The following CSRP2 variants were observed in gnomAD, a reference collection of about 807,000 sequenced individuals.
CSRP2 encodes the protein cysteine and glycine rich protein 2.
Under a neutral mutation model 24.6 loss-of-function variants are expected in CSRP2, and 18 were observed. The observed-to-expected ratio is 0.73, with a 90% CI of 0.51 to 1.09. The LOEUF (loss-of-function observed/expected upper bound fraction) is 1.09. Among genes scored for constraint, CSRP2 ranks in the 50% least tolerant of loss-of-function variants. The pLI is 0.00. For missense variants in CSRP2, 215 were observed against 239.4 expected (o/e 0.90, Z 0.67); for synonymous variants, 87 against 84.3 (o/e 1.03, Z -0.18).
chr12:76,866,502 C>T (rs759818561), intron 1 of CSRP2, among the ~76,000 whole-genome samples: 25 of 151,806 alleles, frequency 1.6e-4, no homozygotes, highest in Non-Finnish European at 3.4e-4. Context: ...GACAAAGGAC[C>T]TGCATTCAGT....
intron 1 of CSRP2, among the ~76,000 whole-genome samples, chr12:76,871,775 AAAAAG>A (rs1953802969): frequency 1.3e-5 from 2 of 152,016 alleles, no homozygotes; most frequent in Non-Finnish European, 2.9e-5. Context: ...AAAAAAAAAA[AAAAAG>A]AAAAGAAACG....
chr12:76,861,993 G>T (rs1043695669), intron 3 of CSRP2: 1 of 152,200 alleles, frequency 6.6e-6, no homozygotes, highest in African/African-American at 2.4e-5. Flanking sequence ...GTGACTTTGG[G>T]CAAAGTTTTT....
At chr12:76,862,865 A>G (rs1953697192) in intron 3 of CSRP2, 1 of 1,529,902 alleles carries the variant, frequency 6.5e-7, no homozygotes. Context: ...CTACCATTTA[A>G]TTTCATGACA....
At chr12:76,874,294 T>C (rs1160404140) in intron 1 of CSRP2, among the ~76,000 whole-genome samples, 5 of 152,218 alleles carry the variant, frequency 3.3e-5, no homozygotes, top group African/African-American at 1.2e-4. Context: ...ACATGCCACC[T>C]TTTAGACATG....
intron 1 of CSRP2, among the ~76,000 whole-genome samples, chr12:76,871,745 A>G (rs1278291902): frequency 6.8e-6 from 1 of 147,788 alleles, no homozygotes; most frequent in Non-Finnish European, 1.5e-5. Flanking sequence ...GCCTGGGTGA[A>G]ACTGCAAGAC....
intron 1 of CSRP2, among the ~76,000 whole-genome samples, chr12:76,877,623 GC>G (rs1303261014): frequency 3.9e-5 from 6 of 152,176 alleles, no homozygotes; most frequent in Non-Finnish European, 8.8e-5. Context: ...AAACTACAAT[GC>G]AGAGGAGAAA....
At chr12:76,865,648 T>C (rs915858249) in intron 2 of CSRP2, 1 of 152,426 alleles carries the variant, frequency 6.6e-6, no homozygotes, top group African/African-American at 2.4e-5. Context: ...GACATAATCA[T>C]TCATTAAAGA....
At chr12:76,865,259 C>T (rs1953723718) in intron 2 of CSRP2, among the ~76,000 whole-genome samples, 1 of 152,164 alleles carries the variant, frequency 6.6e-6, no homozygotes, top group African/African-American at 2.4e-5. Flanking sequence ...TCCATACTTT[C>T]TTGGTTACAA....
chr12:76,876,741 G>T (rs1276760168), intron 1 of CSRP2, among the ~76,000 whole-genome samples: 1 of 152,222 alleles, frequency 6.6e-6, no homozygotes, highest in East Asian at 1.9e-4. Context: ...AAGAAAGCTG[G>T]CCTCCAGGCA....
intron 1 of CSRP2, among the ~76,000 whole-genome samples, chr12:76,877,292 T>C (rs1291338559): frequency 6.6e-6 from 1 of 152,250 alleles, no homozygotes; most frequent in Admixed American, 6.5e-5. Context: ...CAAATCCAAG[T>C]GATTTTGCAA....
chr12:76,871,497 G>A (rs1205444304), intron 1 of CSRP2, among the ~76,000 whole-genome samples: 4 of 152,368 alleles, frequency 2.6e-5, no homozygotes, highest in South Asian at 4.1e-4. Context: ...CAAGCCGGAT[G>A]CGGTGGCTCA....
chr12:76,858,869 A>G lies in CSRP2; in HGVS notation c.*83T>C. The G allele has an allele frequency of 7.9e-7, 1 of 1,262,440 alleles. No homozygotes were observed. The highest frequency in any genetic ancestry group is 2.3e-5 in the East Asian group (1 of 43,050). The allele number at this position is 1,262,440 out of a possible 1,614,324, so 78.2% of individuals were successfully genotyped here. On this transcript the variant is annotated 3_prime_UTR_variant, in exon 6 of 6. Coordinates refer to ENST00000311083, the MANE Select transcript of CSRP2 (RefSeq NM_001321.3). ...CAGTACTTAATGCTGGTAGAATTTC[A>G]CAGTAGTTTAGTGTTAAAGATTATC...
Position 76,860,329 on chromosome 12 carries a change from A to G in CSRP2, c.366T>C (p.Cys122=). 2 of 1,614,134 alleles carry G rather than the reference A, an allele frequency of 1.2e-6. No individual in the cohort carries two copies. The highest frequency in any genetic ancestry group is 1.7e-6 in the Non-Finnish European group (2 of 1,180,006). ...KYGGAEKCSR[C]GDSVYAAEKI... Reference sequence around the variant, plus strand: ...TCTCGGCAGCATATACAGAATCCCCACATCTGGAACACTTCTCAGCACCTC... The same window carrying G: ...TCTCGGCAGCATATACAGAATCCCCGCATCTGGAACACTTCTCAGCACCTC... The change falls in exon 4 of 6, where the codon TGT becomes TGC. Residue 122 remains cysteine, a synonymous_variant. Coordinates refer to ENST00000311083, the MANE Select transcript of CSRP2 (RefSeq NM_001321.3).
intron 2 of CSRP2, chr12:76,864,227 G>A (rs557198533): frequency 2.2e-4 from 33 of 152,262 alleles, no homozygotes; most frequent in African/African-American, 7.5e-4. Context: ...AAACTCACTG[G>A]TAGCACAATC....
chr12:76,867,507 G>A (rs1164674528), intron 1 of CSRP2, among the ~76,000 whole-genome samples: 2 of 151,964 alleles, frequency 1.3e-5, no homozygotes, highest in East Asian at 1.9e-4. Flanking sequence ...AGACTCTGAC[G>A]AAAAGAAAAA....
intron 1 of CSRP2, among the ~76,000 whole-genome samples, chr12:76,870,583 T>C (rs1000616247): frequency 6.6e-6 from 1 of 152,176 alleles, no homozygotes; most frequent in Non-Finnish European, 1.5e-5. Flanking sequence ...TATCAAAATA[T>C]TGCAGTTCTA....
At chr12:76,859,896 C>G (rs1007963798) in intron 4 of CSRP2, among the ~76,000 whole-genome samples, 4 of 152,200 alleles carry the variant, frequency 2.6e-5, no homozygotes, top group Non-Finnish European at 5.9e-5. Flanking sequence ...CATCTTTTTT[C>G]TGGCCAAGAA....
chr12:76,871,763 C>CAAAAAAAAA (rs5799293), intron 1 of CSRP2, among the ~76,000 whole-genome samples: 1 of 122,910 alleles, frequency 8.1e-6, no homozygotes, highest in African/African-American at 3.0e-5. Context: ...GACTCCGACT[C>CAAAAAAAAA]AAAAAAAAAA....
intron 1 of CSRP2, among the ~76,000 whole-genome samples, chr12:76,870,007 C>T (rs1314571070): frequency 1.3e-5 from 2 of 152,186 alleles, no homozygotes; most frequent in Admixed American, 6.5e-5. Context: ...ATGATTCCTG[C>T]AGAACCAAAG....
Sources: allele counts gnomAD v4.1 joint callset (sites outside exome capture counted in the v4.1 genomes callset), GRCh38; gene constraint gnomAD v4.1.1; transcripts MANE v1.5; gene names NCBI Gene and HGNC (gene_info 2026-07-23, HGNC 2026-07-21).